TNFAIP8: variants seen among roughly 807,000 people sequenced by gnomAD.
TNFAIP8 encodes TNF alpha induced protein 8, also known as tumor necrosis factor alpha-induced protein 8.
TNFAIP8 carries 7 observed loss-of-function variants against 13.3 expected under a neutral mutation model. The observed-to-expected ratio is 0.52, with a 90% CI of 0.30 to 0.99. TNFAIP8 has a LOEUF of 0.99. TNFAIP8 is among the 50% of genes least tolerant of loss of function. The probability of loss-of-function intolerance (pLI) is 0.07; values close to 1 mark genes in which losing one functional copy is unlikely to be tolerated. For synonymous variants in TNFAIP8, 94 were observed against 87.6 expected (o/e 1.07, Z -0.41); for missense variants, 258 against 236.9 (o/e 1.09, Z -0.58).
chr5:119,333,165 G>A (rs1750437651), intron 1 of TNFAIP8: 1 of 975,180 alleles, frequency 1.0e-6, no homozygotes, highest in Admixed American at 6.6e-5. Flanking sequence ...TAGACTTCCT[G>A]TTTCTGCTTG....
At chr5:119,307,443 A>G (rs974568916) in intron 1 of TNFAIP8, among the ~76,000 whole-genome samples, 4 of 152,202 alleles carry the variant, frequency 2.6e-5, no homozygotes, top group African/African-American at 7.2e-5. Context: ...ATCTTTTGCT[A>G]GCTTCTGTGT....
At chr5:119,281,186 G>T (rs1032774174) in intron 1 of TNFAIP8, among the ~76,000 whole-genome samples, 1 of 151,672 alleles carries the variant, frequency 6.6e-6, no homozygotes, top group South Asian at 2.1e-4. Context: ...AGCGAGAAAT[G>T]GTATTTCAAG....
intron 1 of TNFAIP8, among the ~76,000 whole-genome samples, chr5:119,369,135 C>A (rs1021051380): frequency 6.7e-6 from 1 of 150,122 alleles, no homozygotes; most frequent in Non-Finnish European, 1.5e-5. Flanking sequence ...TTCACTGCAA[C>A]CTCTGCCTCC....
At chr5:119,319,035 C>T (rs887501085) in intron 1 of TNFAIP8, among the ~76,000 whole-genome samples, 1 of 152,146 alleles carries the variant, frequency 6.6e-6, no homozygotes, top group Admixed American at 6.5e-5. Context: ...AGCAGTGACT[C>T]CATAATTCAA....
intron 1 of TNFAIP8, among the ~76,000 whole-genome samples, chr5:119,286,538 C>T (rs1349256493): frequency 2.0e-5 from 3 of 151,148 alleles, no homozygotes; most frequent in South Asian, 2.1e-4. Context: ...AGGAGAATGG[C>T]GAGAACCCGG....
chr5:119,311,688 CA>C (rs55965350), intron 1 of TNFAIP8, among the ~76,000 whole-genome samples: 44 of 66,662 alleles, frequency 6.6e-4, no homozygotes, highest in South Asian at 1.9e-3. Flanking sequence ...GACTCCGTCT[CA>C]AAAAAAAAAA....
chr5:119,374,612 T>C (rs1752210775), intron 1 of TNFAIP8, among the ~76,000 whole-genome samples: 1 of 152,214 alleles, frequency 6.6e-6, no homozygotes, highest in South Asian at 2.1e-4. Flanking sequence ...CAGAGGGCTG[T>C]AGCTCTTTGC....
At chr5:119,373,072 TC>T (rs1182197628) in intron 1 of TNFAIP8, among the ~76,000 whole-genome samples, 5 of 152,194 alleles carry the variant, frequency 3.3e-5, no homozygotes, top group African/African-American at 4.8e-5. Flanking sequence ...ACTGGATTCT[TC>T]TTGGGTATGT....
intron 1 of TNFAIP8, among the ~76,000 whole-genome samples, chr5:119,280,331 TAAA>T (rs34695435): frequency 6.9e-6 from 1 of 144,350 alleles, no homozygotes; most frequent in African/African-American, 2.5e-5. Flanking sequence ...TCTTACCCAT[TAAA>T]AAAAAAAAAA....
chr5:119,377,828 G>A (rs1580439504), intron 1 of TNFAIP8, among the ~76,000 whole-genome samples: 1 of 152,014 alleles, frequency 6.6e-6, no homozygotes, highest in Non-Finnish European at 1.5e-5. Flanking sequence ...TTTAATTCCT[G>A]ACTACCCAGT....
intron 1 of TNFAIP8, among the ~76,000 whole-genome samples, chr5:119,330,305 G>T (rs1750337478): frequency 6.6e-6 from 1 of 152,232 alleles, no homozygotes; most frequent in African/African-American, 2.4e-5. Context: ...TTCCAGTTCT[G>T]TCTGAGGCTG....
chr5:119,306,610 G>A (rs1365097748), intron 1 of TNFAIP8: 1 of 151,898 alleles, frequency 6.6e-6, no homozygotes, highest in Non-Finnish European at 1.5e-5. Flanking sequence ...TGGGACTATG[G>A]GCACATGCCA....
intron 1 of TNFAIP8, among the ~76,000 whole-genome samples, chr5:119,322,259 C>G (rs1316261186): frequency 6.6e-6 from 1 of 152,234 alleles, no homozygotes; most frequent in Non-Finnish European, 1.5e-5. Flanking sequence ...TGTCACTGCT[C>G]TATCCCCAGC....
intron 1 of TNFAIP8, among the ~76,000 whole-genome samples, chr5:119,338,218 A>G (rs1200091449): frequency 7.4e-6 from 1 of 134,786 alleles, no homozygotes; most frequent in African/African-American, 2.7e-5. Flanking sequence ...ACACCTTCTC[A>G]GCACCTAGTC....
At chr5:119,372,495 C>T (rs943102330) in intron 1 of TNFAIP8, among the ~76,000 whole-genome samples, 4 of 151,988 alleles carry the variant, frequency 2.6e-5, no homozygotes, top group African/African-American at 9.7e-5. Context: ...AAGATATGAC[C>T]GTAAACCTTG....
intron 1 of TNFAIP8, among the ~76,000 whole-genome samples, chr5:119,282,262 C>T (rs1468278444): frequency 1.4e-5 from 2 of 142,366 alleles, no homozygotes; most frequent in African/African-American, 5.1e-5. Context: ...TTTGTAACAT[C>T]TGCTGGACCT....
intron 1 of TNFAIP8, among the ~76,000 whole-genome samples, chr5:119,306,087 A>G (rs1749544237): frequency 6.6e-6 from 1 of 152,158 alleles, no homozygotes; most frequent in South Asian, 2.1e-4. Context: ...CTTCCAGAAA[A>G]CAGGACTTCC....
At chr5:119,334,924 G>A (rs756029494) in intron 1 of TNFAIP8, among the ~76,000 whole-genome samples, 3 of 152,082 alleles carry the variant, frequency 2.0e-5, no homozygotes, top group South Asian at 2.1e-4. Flanking sequence ...GCAGAAAGAC[G>A]TGTACATAAA....
chr5:119,349,163 T>G (rs1751028521), intron 1 of TNFAIP8, among the ~76,000 whole-genome samples: 1 of 152,200 alleles, frequency 6.6e-6, no homozygotes, highest in African/African-American at 2.4e-5. Context: ...TTGTTTTCCT[T>G]TTCCATTGCT....
Sources: allele counts gnomAD v4.1 joint callset (sites outside exome capture counted in the v4.1 genomes callset), GRCh38; gene constraint gnomAD v4.1.1; transcripts MANE v1.5; gene names NCBI Gene and HGNC (gene_info 2026-07-23, HGNC 2026-07-21).